The following TXLNB variants were observed in gnomAD, a reference collection of about 807,000 sequenced individuals.
The protein encoded by TXLNB is beta-taxilin.
Under a neutral mutation model 57.4 loss-of-function variants are expected in TXLNB, and 37 were observed. That is an observed-to-expected ratio of 0.64 (90% CI 0.50 to 0.85). TXLNB has a LOEUF of 0.85. Among genes scored for constraint, TXLNB ranks in the 40% least tolerant of loss-of-function variants. TXLNB has a pLI of 0.00. For synonymous variants in TXLNB, 302 were observed against 309.6 expected, an observed-to-expected ratio of 0.98 and a Z score of 0.26; for missense variants, 848 against 825.6, an observed-to-expected ratio of 1.03 and a Z score of -0.33.
At chr6:139,208,748 T>C in the TXLNB span, among the ~76,000 whole-genome samples, 1 of 152,222 alleles carries the variant, frequency 6.6e-6, no homozygotes, top group Admixed American at 6.5e-5. Flanking sequence ...CATCCCTTTT[T>C]TATAAAAACC....
the TXLNB span, chr6:139,179,727 C>T: frequency 6.6e-6 from 1 of 152,074 alleles, no homozygotes; most frequent in Admixed American, 6.5e-5. Context: ...CAAGCTTGCC[C>T]TGAATACTTT....
chr6:139,252,182 T>C (rs1328088963), intron 7 of TXLNB, among the ~76,000 whole-genome samples: 2 of 152,236 alleles, frequency 1.3e-5, no homozygotes, highest in Non-Finnish European at 2.9e-5. Flanking sequence ...GACTGAAAAG[T>C]GACTTCTCTA....
the TXLNB span, among the ~76,000 whole-genome samples, chr6:139,217,864 CAAAA>C: frequency 5.8e-5 from 3 of 51,916 alleles, no homozygotes; most frequent in Non-Finnish European, 1.3e-4. Flanking sequence ...GCAAGAGTCT[CAAAA>C]AAAAAAAAAA....
At chr6:139,166,598 C>T in the TXLNB span, 12 of 1,614,212 alleles carry the variant, frequency 7.4e-6, no homozygotes, top group Non-Finnish European at 1.0e-5. Flanking sequence ...TCAGGTGAAG[C>T]GGATGCAGGA....
At chr6:139,248,990 C>T (rs1325516768) in intron 7 of TXLNB, among the ~76,000 whole-genome samples, 1 of 152,196 alleles carries the variant, frequency 6.6e-6, no homozygotes, top group Non-Finnish European at 1.5e-5. Context: ...CCCTTTTTAT[C>T]AAAATCAGTT....
upstream of TXLNB, among the ~76,000 whole-genome samples, chr6:139,294,017 AT>A (rs1777348328): frequency 1.3e-5 from 2 of 152,230 alleles, no homozygotes; most frequent in Admixed American, 6.5e-5. Flanking sequence ...TAACAGAATA[AT>A]TTAAATAATG....
chr6:139,310,900 G>A, the TXLNB span, among the ~76,000 whole-genome samples: 1 of 152,118 alleles, frequency 6.6e-6, no homozygotes, highest in Non-Finnish European at 1.5e-5. Flanking sequence ...TCACCATGTT[G>A]GCCAGGTGGA....
In TXLNB at chr6:139,242,726, T is replaced by TCA; in HGVS notation, c.1854_1855insTG (p.Thr619Ter). The TCA allele has an allele frequency of 6.2e-7, 1 of 1,613,396 alleles. No homozygotes were observed. The highest frequency in any genetic ancestry group is 1.3e-5 in the African/African-American group (1 of 74,934). On this transcript the variant is annotated frameshift_variant, in exon 10 of 10. Coordinates refer to ENST00000358430, the MANE Select transcript of TXLNB (RefSeq NM_153235.4). LOFTEE classifies it low-confidence loss of function (END_TRUNC). Reference sequence around the variant, plus strand: ...TCCATCTTCTGTAGGGAGGCCTCGGTGGGAGCCTGTGGGGCCTGACCGGAA... The same window carrying TCA: ...TCCATCTTCTGTAGGGAGGCCTCGGTCAGGGAGCCTGTGGGGCCTGACCGGAA...
At chr6:139,286,259 C>T (rs1777171922) in intron 2 of TXLNB, among the ~76,000 whole-genome samples, 2 of 149,680 alleles carry the variant, frequency 1.3e-5, no homozygotes, top group South Asian at 2.2e-4. Context: ...TCTGTAAACT[C>T]TCCTCCCTGT....
intron 8 of TXLNB, among the ~76,000 whole-genome samples, chr6:139,245,959 C>T (rs1776057465): frequency 6.6e-6 from 1 of 152,194 alleles, no homozygotes; most frequent in African/African-American, 2.4e-5. Flanking sequence ...TCCCAAAATG[C>T]TGGGATTGCA....
chr6:139,301,037 G>C, the TXLNB span, among the ~76,000 whole-genome samples: 4 of 152,320 alleles, frequency 2.6e-5, no homozygotes, highest in East Asian at 7.7e-4. Context: ...CCAGTTAGGA[G>C]CCCAAACTGT....
At chr6:139,277,434 T>A (rs59516931) in intron 2 of TXLNB, among the ~76,000 whole-genome samples, 12,491 of 152,188 alleles carry the variant, frequency 0.082, 1,612 homozygotes, top group African/African-American at 0.28. Flanking sequence ...GTGTTTTTTG[T>A]TCTTTTGGTA....
chr6:139,315,413 C>T, the TXLNB span, among the ~76,000 whole-genome samples: 4 of 152,140 alleles, frequency 2.6e-5, no homozygotes, highest in Non-Finnish European at 5.9e-5. Flanking sequence ...GCAAGGTGAA[C>T]CCATTGGGCA....
In TXLNB at chr6:139,242,678, A is replaced by C; in HGVS notation, c.1903T>G (p.Cys635Gly). 6.2e-7 allele frequency: 1 copy of C among 1,610,814 alleles called. No homozygotes were observed. Among genetic ancestry groups the C allele is most frequent in the Non-Finnish European group, 8.5e-7 (1 of 1,178,818 alleles). Residue 635 changes from cysteine to glycine, a missense_variant, in exon 10 of 10, where the codon TGC becomes GGC. By Grantham distance (159) the Cys-to-Gly change is radical. Coordinates refer to ENST00000358430, the MANE Select transcript of TXLNB (RefSeq NM_153235.4). ...GCTGCAACGTGCTCTTCTGCTGCGCATGCTGGAGCAGGCACATCTGCCTCC... is the reference window on the plus strand; with the variant it reads ...GCTGCAACGTGCTCTTCTGCTGCGCCTGCTGGAGCAGGCACATCTGCCTCC... ...KMEADVPAPA[C>G]AAEEHVAAMV... is the part of the protein sequence containing the mutation.
chr6:139,243,181 T>A lies in TXLNB; in HGVS notation c.1400A>T (p.Asp467Val). Residue 467 changes from aspartate to valine, a missense_variant, in exon 10 of 10, where the codon GAT (aspartate) becomes GTT (valine). Transcript: ENST00000358430. Reference sequence around the variant, plus strand: ...ATCGGAGTTGTGCTGACTTTGGTCATCCTTTTCAGATATTTCTGCGTCTCT... The same window carrying A: ...ATCGGAGTTGTGCTGACTTTGGTCAACCTTTTCAGATATTTCTGCGTCTCT... ...KIRDAEISEK[D>V]DQSQHNSDEE... The A allele has an allele frequency of 1.2e-6, 2 of 1,614,220 alleles. No homozygotes were observed. The highest frequency in any genetic ancestry group is 1.7e-6 in the Non-Finnish European group (2 of 1,180,038).
the TXLNB span, among the ~76,000 whole-genome samples, chr6:139,223,638 C>T: frequency 2.6e-5 from 4 of 151,608 alleles, no homozygotes; most frequent in Non-Finnish European, 2.9e-5. Flanking sequence ...GGGCAAAGGA[C>T]ATGAACAGAC....
At position 139,242,733 on chromosome 6, in the gene TXLNB, C is replaced by T. The variant is rs1165971328; in HGVS notation, c.1848G>A (p.Gln616=). ...PEAEASGQAP[Q]APTEASLQKM... is the part of the protein sequence containing the mutation. ...TCTGTAGGGAGGCCTCGGTGGGAGC[C>T]TGTGGGGCCTGACCGGAAGCTTCTG... Residue 616 remains glutamine (Q), a synonymous_variant, in exon 10 of 10, where the codon CAG becomes CAA. Coordinates refer to ENST00000358430, the MANE Select transcript of TXLNB (RefSeq NM_153235.4). The T allele has an allele frequency of 3.1e-6, 5 of 1,613,844 alleles. No individual in the cohort carries two copies. The highest frequency in any genetic ancestry group is 1.3e-5 in the African/African-American group (1 of 75,002).
Position 139,242,814 on chromosome 6 carries a change from T to A in TXLNB, c.1767A>T (p.Gln589His). Residue 589 changes from glutamine to histidine, a missense_variant, in exon 10 of 10, where the codon CAA (glutamine) becomes CAT (histidine). Physicochemically the swap from Gln to His is conservative, Grantham distance 24. Transcript: ENST00000358430. ...GTGCTCCAACAGGGAGACCCTCGCA[T>A]TGGGTTTCTGCTCCCAACCCGGCAG... Reference protein sequence around the residue: ...NSPAGLGAETQCEGLPVGAQA... With the variant: ...NSPAGLGAETHCEGLPVGAQA... The A allele has an allele frequency of 6.2e-7, 1 of 1,613,918 alleles. No individual in the cohort carries two copies. Among genetic ancestry groups the A allele is most frequent in the Non-Finnish European group, 8.5e-7 (1 of 1,179,962 alleles).
chr6:139,288,539 T>C lies in TXLNB; in HGVS notation c.361A>G (p.Thr121Ala), dbSNP rs745316562. 5 of 1,614,226 alleles carry C rather than the reference T, an allele frequency of 3.1e-6. No individual in the cohort carries two copies. In the South Asian group the frequency reaches 4.4e-5, roughly 14 times the overall value. Residue 121 changes from threonine to alanine, a missense_variant, in exon 2 of 10, where the codon ACT becomes GCT. By Grantham distance (58) the Thr-to-Ala change is moderately conservative (BLOSUM62 0). Coordinates refer to ENST00000358430, the MANE Select transcript of TXLNB (RefSeq NM_153235.4). ...TTATTGCTGACGGGCTCTTTGACAG[T>C]GGGTGGCTCTCCAGAAGCAACGGGT... is the stretch of plus-strand genomic sequence containing the variant. ...REPVASGEPP[T>A]VKEPVSNKEQ...
Sources: allele counts gnomAD v4.1 joint callset (sites outside exome capture counted in the v4.1 genomes callset), GRCh38; gene constraint gnomAD v4.1.1; transcripts MANE v1.5; gene names NCBI Gene and HGNC (gene_info 2026-07-23, HGNC 2026-07-21).